The following ARNT2 variants were observed in gnomAD, a reference collection of about 807,000 sequenced individuals.
ARNT2 encodes the protein aryl hydrocarbon receptor nuclear translocator 2.
In ARNT2, 36 loss-of-function variants were observed where a neutral mutation model predicts 91.7. The observed-to-expected ratio is 0.39, with a 90% CI of 0.30 to 0.52. ARNT2 has a LOEUF of 0.52. ARNT2 is among the 20% of genes least tolerant of loss of function. The pLI is 0.72. For synonymous variants in ARNT2, 365 were observed against 347.1 expected, an observed-to-expected ratio of 1.05 and a Z score of -0.57; for missense variants, 775 against 939.3, an observed-to-expected ratio of 0.83 and a Z score of 2.29.
intron 5 of ARNT2, among the ~76,000 whole-genome samples, chr15:80,500,210 A>G (rs1357446894): frequency 1.3e-5 from 2 of 152,172 alleles, no homozygotes; most frequent in Non-Finnish European, 2.9e-5. Context: ...AGCTGCTGTA[A>G]TAACTGGGGT....
intron 1 of ARNT2, among the ~76,000 whole-genome samples, chr15:80,416,621 GT>G (rs752814917): frequency 1.4e-5 from 2 of 140,696 alleles, no homozygotes; most frequent in East Asian, 2.2e-4. Flanking sequence ...TAATTTCTCA[GT>G]TTTTTTTGTT....
chr15:80,541,112 T>A (rs1184653944), intron 8 of ARNT2, among the ~76,000 whole-genome samples: 1 of 152,222 alleles, frequency 6.6e-6, no homozygotes, highest in African/African-American at 2.4e-5. Flanking sequence ...ACCAACAGTG[T>A]ATAAGCATTC....
In ARNT2 at chr15:80,404,997, G is replaced by T. The variant is rs1381733414; in HGVS notation, c.31+451G>T. Among the ~76,000 whole-genome samples the T allele has an allele frequency of 6.6e-6, 1 of 152,144 alleles. No individual in the cohort carries two copies. Among genetic ancestry groups the T allele is most frequent in the African/African-American group, 2.4e-5 (1 of 41,442 alleles). ...GGGATTCAACAGGGTACAACTCCCGGGACTCTCCCCTGCCCGCCCCGCCCA... is the reference window on the plus strand; with the variant it reads ...GGGATTCAACAGGGTACAACTCCCGTGACTCTCCCCTGCCCGCCCCGCCCA... On this transcript the variant is annotated intron_variant, in intron 1 of 18. Transcript: ENST00000303329. The surrounding 1 kb of genome is among the most constrained non-coding windows in gnomAD (Gnocchi z 5.5).
Position 80,437,922 on chromosome 15 carries a change from TACACACACACACAC to T in ARNT2, c.32-12932_32-12919del, listed in dbSNP as rs58142108. Among the ~76,000 whole-genome samples, 9 of 141,662 alleles carry T rather than the reference TACACACACACACAC, an allele frequency of 6.4e-5. No individual in the cohort carries two copies. In the South Asian group the frequency reaches 1.3e-3, roughly 20 times the overall value. The allele number at this position is 141,662 out of a possible 152,430, so 92.9% of individuals were successfully genotyped here. ...TGTTCCTTTTTAAAATGTATTTACC[TACACACACACACAC>T]ACACACACACACACACACACACACA... On this transcript the variant is annotated intron_variant, in intron 1 of 18. Coordinates refer to ENST00000303329, the MANE Select transcript of ARNT2 (RefSeq NM_014862.4).
intron 6 of ARNT2, 52 bp from the exon 7 acceptor site, chr15:80,513,859 G>C: frequency 6.7e-7 from 1 of 1,483,002 alleles, no homozygotes; most frequent in East Asian, 2.3e-5. Context: ...ACCATATATT[G>C]AATAAACTTG....
intron 8 of ARNT2, among the ~76,000 whole-genome samples, chr15:80,529,847 T>G (rs1193105097): frequency 1.6e-4 from 25 of 152,228 alleles, no homozygotes; most frequent in Admixed American, 1.6e-3. Flanking sequence ...AATCCAAATC[T>G]TCTATTCATG....
chr15:80,456,040 C>T (rs1387439258), intron 2 of ARNT2, among the ~76,000 whole-genome samples: 12 of 152,296 alleles, frequency 7.9e-5, no homozygotes, highest in African/African-American at 2.6e-4. Flanking sequence ...AATTTGGTTA[C>T]AGCATTTTTG....
At chr15:80,439,995 A>G (rs1896163841) in intron 1 of ARNT2, among the ~76,000 whole-genome samples, 1 of 152,146 alleles carries the variant, frequency 6.6e-6, no homozygotes, top group Non-Finnish European at 1.5e-5. Flanking sequence ...CATGCCTTGC[A>G]CTTTCTCCTT....
At chr15:80,488,394 T>C (rs1473633972) in intron 5 of ARNT2, among the ~76,000 whole-genome samples, 3 of 152,226 alleles carry the variant, frequency 2.0e-5, no homozygotes, top group Non-Finnish European at 4.4e-5. Flanking sequence ...CTAAAGTTCC[T>C]ACATTCTCAT....
At chr15:80,563,545 C>G (rs1019901029) in intron 12 of ARNT2, among the ~76,000 whole-genome samples, 1 of 152,246 alleles carries the variant, frequency 6.6e-6, no homozygotes, top group African/African-American at 2.4e-5. Context: ...GGACCTCAGC[C>G]AACTGGAGCT....
At chr15:80,518,371 C>A (rs1327994632) in intron 8 of ARNT2, among the ~76,000 whole-genome samples, 1 of 143,976 alleles carries the variant, frequency 6.9e-6, no homozygotes, top group African/African-American at 2.6e-5. Context: ...ACCTCTGCCT[C>A]CCAGGTTCAA....
chr15:80,430,397 A>G (rs1943180341), intron 1 of ARNT2, among the ~76,000 whole-genome samples: 3 of 152,204 alleles, frequency 2.0e-5, no homozygotes, highest in Admixed American at 1.3e-4. Context: ...TCTATGTGTC[A>G]TTTATAAGAT....
At chr15:80,518,172 T>A (rs992500866) in intron 8 of ARNT2, among the ~76,000 whole-genome samples, 9 of 152,068 alleles carry the variant, frequency 5.9e-5, no homozygotes, top group African/African-American at 2.2e-4. Flanking sequence ...GTTTAATGTT[T>A]TAAATATTGT....
chr15:80,566,999 G>A (rs1262789753), intron 12 of ARNT2, among the ~76,000 whole-genome samples: 1 of 152,164 alleles, frequency 6.6e-6, no homozygotes, highest in Non-Finnish European at 1.5e-5. Flanking sequence ...ATGGGAAAAG[G>A]GTGGTTCTTC....
At chr15:80,531,296 A>C (rs1222689339) in intron 8 of ARNT2, among the ~76,000 whole-genome samples, 1 of 152,222 alleles carries the variant, frequency 6.6e-6, no homozygotes, top group East Asian at 1.9e-4. Context: ...GCTAATGCCG[A>C]GTTTCATCCC....
At chr15:80,520,880 A>G (rs1897533905) in intron 8 of ARNT2, among the ~76,000 whole-genome samples, 1 of 152,212 alleles carries the variant, frequency 6.6e-6, no homozygotes, top group Non-Finnish European at 1.5e-5. Flanking sequence ...GTTTACCCCA[A>G]GATAACTTTG....
chr15:80,455,164 A>G (rs1413700865), intron 2 of ARNT2, among the ~76,000 whole-genome samples: 2 of 152,224 alleles, frequency 1.3e-5, no homozygotes, highest in Non-Finnish European at 2.9e-5. Context: ...AAGCAGCAGC[A>G]TCTTGGCAGG....
intron 1 of ARNT2, chr15:80,433,931 T>A (rs1896050376): frequency 1.3e-5 from 2 of 152,218 alleles, no homozygotes; most frequent in African/African-American, 4.8e-5. Context: ...TCTGTTTAGA[T>A]TCTTCTTGGC....
At chr15:80,428,276 T>C (rs1895960266) in intron 1 of ARNT2, among the ~76,000 whole-genome samples, 1 of 152,246 alleles carries the variant, frequency 6.6e-6, no homozygotes, top group Non-Finnish European at 1.5e-5. Flanking sequence ...GTAATCGATA[T>C]TCATATGTCC....
Sources: gnomAD v4.1 joint callset for allele counts (sites outside exome capture counted in the v4.1 genomes callset) on GRCh38, gnomAD v4.1.1 for gene constraint, Gnocchi (gnomAD v3.1) non-coding constraint, MANE v1.5 for transcripts, NCBI Gene and HGNC (gene_info 2026-07-23, HGNC 2026-07-21) for gene names.